RNF111: variants seen among roughly 807,000 people sequenced by gnomAD.
RNF111 encodes E3 ubiquitin-protein ligase Arkadia.
Under a neutral mutation model 95.1 loss-of-function variants are expected in RNF111, and 17 were observed. The observed-to-expected ratio is 0.18, with a 90% CI of 0.12 to 0.27. The LOEUF (loss-of-function observed/expected upper bound fraction) is 0.27. Ranked by LOEUF, RNF111 falls within the 10% of genes least tolerant of loss-of-function variation. The probability of loss-of-function intolerance (pLI) is 1.00; values close to 1 mark genes in which losing one functional copy is unlikely to be tolerated. For missense variants in RNF111, 1,189 were observed against 1,210.4 expected (o/e 0.98, Z 0.26); for synonymous variants, 440 against 414.8 (o/e 1.06, Z -0.74).
chr15:59,019,608 T>A (rs1162286028), intron 1 of RNF111, among the ~76,000 whole-genome samples: 1 of 152,112 alleles, frequency 6.6e-6, no homozygotes, highest in Non-Finnish European at 1.5e-5. Context: ...TTTTTGTTGC[T>A]TTGGGGAAAG....
intron 1 of RNF111, among the ~76,000 whole-genome samples, chr15:59,012,270 A>G (rs1056201319): frequency 6.6e-6 from 1 of 151,938 alleles, no homozygotes; most frequent in East Asian, 1.9e-4. Context: ...CCACTTGCCT[A>G]GGCCTCCCAA....
intron 9 of RNF111, among the ~76,000 whole-genome samples, chr15:59,084,913 G>A (rs932454847): frequency 2.0e-5 from 3 of 152,010 alleles, no homozygotes; most frequent in Non-Finnish European, 2.9e-5. Flanking sequence ...TGACTCCCTC[G>A]ACTGATCTTA....
chr15:59,027,948 C>G (rs944348986), intron 1 of RNF111, among the ~76,000 whole-genome samples: 1 of 151,756 alleles, frequency 6.6e-6, no homozygotes, highest in Non-Finnish European at 1.5e-5. Flanking sequence ...GCCTCAGCCT[C>G]CTGAGTAGCT....
At chr15:59,023,611 G>T (rs1347585313) in intron 1 of RNF111, among the ~76,000 whole-genome samples, 1 of 152,102 alleles carries the variant, frequency 6.6e-6, no homozygotes, top group Non-Finnish European at 1.5e-5. Context: ...GAGCTCATTT[G>T]TCAGTGTCAT....
intron 12 of RNF111, 44 bp downstream of exon 12, chr15:59,091,198 C>A (rs1301843279): frequency 8.8e-7 from 1 of 1,132,498 alleles, no homozygotes; most frequent in Admixed American, 1.8e-5. Context: ...TACTGAAAGG[C>A]ATAAATGTAA....
Position 59,031,226 on chromosome 15 carries a change from G to A in RNF111, c.404G>A (p.Ser135Asn). ...PSDEDNDSSF[S>N]DCLSSPSSSL... is the part of the protein sequence containing the mutation. ...GATGAAGATAATGATTCCTCTTTTA[G>A]TGATTGTCTTTCTTCTCCTTCATCT... The change falls in exon 2 of 14, where the codon AGT becomes AAT. Residue 135 changes from serine to asparagine, a missense_variant. Around this residue, in one of 2 missense-constraint regions of RNF111, gnomAD observed 1,024 missense variants for 925.9 expected, o/e 1.11. Transcript: ENST00000348370. 1 of 1,614,192 alleles carries A rather than the reference G, an allele frequency of 6.2e-7. No homozygotes were observed. The highest frequency in any genetic ancestry group is 8.5e-7 in the Non-Finnish European group (1 of 1,180,010).
chr15:58,997,551 TC>T (rs1442838054), intron 1 of RNF111, among the ~76,000 whole-genome samples: 2 of 151,238 alleles, frequency 1.3e-5, no homozygotes, highest in African/African-American at 2.4e-5. Flanking sequence ...GGGTATGGTG[TC>T]TCACGCCTGT....
At chr15:59,021,296 G>A (rs1419812010) in intron 1 of RNF111, among the ~76,000 whole-genome samples, 1 of 152,078 alleles carries the variant, frequency 6.6e-6, no homozygotes, top group Non-Finnish European at 1.5e-5. Flanking sequence ...GATTACAGGT[G>A]GGTGCCACCA....
chr15:59,086,524 C>T lies in RNF111; in HGVS notation c.2550+739C>T, dbSNP rs1284140397. 3.3e-5 allele frequency among the ~76,000 whole-genome samples: 5 copies of T among 152,152 alleles called. 1 individual carries two copies. Among genetic ancestry groups the T allele is most frequent in the Non-Finnish European group, 4.4e-5 (3 of 68,026 alleles). ...GACAAGTTCAGCAAAACATACATTG[C>T]GTTTGCTGTTTGTATTACATACTTG... On this transcript the variant is annotated intron_variant, in intron 10 of 13. Transcript: ENST00000348370.
chr15:59,066,304 A>G (rs1031977692), intron 5 of RNF111, among the ~76,000 whole-genome samples: 9 of 152,146 alleles, frequency 5.9e-5, no homozygotes, highest in Admixed American at 5.9e-4. Context: ...CATATGATGT[A>G]TATGTTAAGA....
intron 2 of RNF111, 40 bp from the exon 3 acceptor site, chr15:59,052,265 C>A: frequency 6.7e-7 from 1 of 1,494,248 alleles, no homozygotes; most frequent in African/African-American, 1.4e-5. Flanking sequence ...GATTAGCTGA[C>A]AGGAAGATGC....
At chr15:59,075,561 T>G (rs538997561) in intron 6 of RNF111, among the ~76,000 whole-genome samples, 6 of 152,332 alleles carry the variant, frequency 3.9e-5, no homozygotes, top group African/African-American at 1.2e-4. Flanking sequence ...GTATGTTTTC[T>G]CAAGGAGTCC....
chr15:59,034,373 C>T (rs575219173), intron 2 of RNF111, among the ~76,000 whole-genome samples: 1 of 152,252 alleles, frequency 6.6e-6, no homozygotes, highest in Admixed American at 6.5e-5. Context: ...CCAGAATGCC[C>T]TCCAAGAAGT....
intron 6 of RNF111, among the ~76,000 whole-genome samples, chr15:59,067,351 C>G (rs1356515751): frequency 2.0e-5 from 3 of 151,066 alleles, no homozygotes; most frequent in Non-Finnish European, 2.9e-5. Context: ...CTCCTTTCTC[C>G]TTTCCCTTCC....
chr15:59,006,863 T>C (rs1365873734), intron 1 of RNF111, among the ~76,000 whole-genome samples: 1 of 152,224 alleles, frequency 6.6e-6, no homozygotes, highest in African/African-American at 2.4e-5. Context: ...CTTGGCTCAC[T>C]GCAACCTCCG....
chr15:59,072,778 C>G (rs1478084173), intron 6 of RNF111, among the ~76,000 whole-genome samples: 2 of 151,448 alleles, frequency 1.3e-5, no homozygotes, highest in African/African-American at 4.9e-5. Context: ...TTCCTAGTAT[C>G]TTTACCTGGA....
chr15:58,997,593 C>T (rs2039134092), intron 1 of RNF111, among the ~76,000 whole-genome samples: 2 of 150,904 alleles, frequency 1.3e-5, no homozygotes, highest in African/African-American at 4.9e-5. Context: ...CTGAGGTGGC[C>T]ACATCACGAG....
intron 1 of RNF111, among the ~76,000 whole-genome samples, chr15:59,029,402 C>T (rs1167282373): frequency 6.6e-6 from 1 of 152,184 alleles, no homozygotes; most frequent in Admixed American, 6.6e-5. Flanking sequence ...TATCACTGAT[C>T]CTGCTGAACT....
intron 1 of RNF111, among the ~76,000 whole-genome samples, chr15:58,988,933 A>G (rs1190599086): frequency 1.3e-5 from 2 of 152,174 alleles, no homozygotes; most frequent in African/African-American, 2.4e-5. Context: ...ATGTGACTTA[A>G]TCTAAACTTT....
Sources: gnomAD v4.1 joint callset for allele counts (sites outside exome capture counted in the v4.1 genomes callset) on GRCh38, gnomAD v4.1.1 for gene constraint, gnomAD v4.1.1 regional missense constraint, MANE v1.5 for transcripts, NCBI Gene and HGNC (gene_info 2026-07-23, HGNC 2026-07-21) for gene names.